PLD2: variants seen among roughly 807,000 people sequenced by gnomAD.
PLD2 encodes the protein choline phosphatase 2.
In PLD2, 101 loss-of-function variants were observed where a neutral mutation model predicts 119.8. That is an observed-to-expected ratio of 0.84 (90% confidence interval 0.72 to 0.99). The LOEUF (loss-of-function observed/expected upper bound fraction) is 0.99. PLD2 is among the 50% of genes least tolerant of loss of function. The probability of loss-of-function intolerance (pLI) is 0.00; values close to 1 mark genes in which losing one functional copy is unlikely to be tolerated. For missense variants in PLD2, 1,164 were observed against 1,226.8 expected, an observed-to-expected ratio of 0.95 and a Z score of 0.76; for synonymous variants, 494 against 482.8, an observed-to-expected ratio of 1.02 and a Z score of -0.30.
rs543122205 is a variant in PLD2 at position 4,816,845 on chromosome 17, A to G, written c.1583-92A>G. The G allele has an allele frequency of 5.0e-6, 8 of 1,585,782 alleles. No individual in the cohort carries two copies. The Admixed American group carries it at 1.3e-4, about 27-fold the overall frequency. The stretch of plus-strand genomic sequence containing the variant: ...GGATGAGAGGGGTCAACGGTGGTAC[A>G]GCCCTCCCTCTGGCAGGCTCTTTCT... On this transcript the variant is annotated intron_variant, in intron 15 of 24. Coordinates refer to ENST00000263088, the MANE Select transcript of PLD2 (RefSeq NM_002663.5).
chr17:4,808,976 G>C lies in PLD2; in HGVS notation c.384-124G>C, dbSNP rs1014749246. The stretch of plus-strand genomic sequence containing the variant: ...CCCCAAGTGCTGGGATTCCAGGCGT[G>C]AGCCACCACGCCTGGCCACCTCCAG... On this transcript the variant is annotated intron_variant, in intron 4 of 24. Transcript: ENST00000263088. The surrounding 1 kb of genome is among the most constrained non-coding windows in gnomAD (Gnocchi z 4.1). 2.7e-6 allele frequency: 2 copies of C among 730,556 alleles called. No individual in the cohort carries two copies. Among genetic ancestry groups the C allele is most frequent in the Non-Finnish European group, 2.4e-6 (1 of 421,942 alleles). The allele number at this position is 730,556 out of a possible 1,614,324, so 45.3% of individuals were successfully genotyped here. A position where few individuals can be genotyped will look rare whatever the true frequency, so the allele number is the denominator to read the frequency against.
At position 4,818,009 on chromosome 17, in the gene PLD2, G is replaced by C. The variant is rs752863403; in HGVS notation, c.1823G>C (p.Arg608Pro). The change falls in exon 18 of 25, where the codon CGA becomes CCA. Residue 608 changes from arginine (R) to proline (P), a missense_variant. Physicochemically the swap from Arg to Pro is moderately radical, Grantham distance 103. Transcript: ENST00000263088. ...GCATTCACCATTCCCTAGGTCTTGC[G>C]ATCAGTGGACCGCTGGTCAGCAGGG... ...GGQCTTVQVLRSVDRWSAGTL... is the reference protein window; with the variant it reads ...GGQCTTVQVLPSVDRWSAGTL... 12 of 1,610,958 alleles carry C rather than the reference G, an allele frequency of 7.4e-6. No individual in the cohort carries two copies. Among genetic ancestry groups the C allele is most frequent in the African/African-American group, 1.3e-5 (1 of 74,862 alleles).
chr17:4,816,373 ACT>A (rs1365668535), intron 14 of PLD2, among the ~76,000 whole-genome samples: 1 of 137,106 alleles, frequency 7.3e-6, no homozygotes, highest in Non-Finnish European at 1.6e-5. Flanking sequence ...ACAGAGCGAG[ACT>A]CTGTCTCAAA....
chr17:4,808,956 A>G lies in PLD2; in HGVS notation c.384-144A>G. The G allele has an allele frequency of 4.4e-6, 3 of 680,354 alleles. No individual in the cohort carries two copies. The highest frequency in any genetic ancestry group is 3.4e-5 in the South Asian group (2 of 58,366). The allele number at this position is 680,354 out of a possible 1,614,324, so 42.1% of individuals were successfully genotyped here. A position where few individuals can be genotyped will look rare whatever the true frequency, so the allele number is the denominator to read the frequency against. On this transcript the variant is annotated intron_variant, in intron 4 of 24. Transcript: ENST00000263088. This position sits in a 1 kb window ranked among gnomAD's most constrained non-coding sequence, Gnocchi z 4.1. ...TGATCCACCTGCTGCGGCCTCCCCA[A>G]GTGCTGGGATTCCAGGCGTGAGCCA...
At chr17:4,815,706 T>A in intron 13 of PLD2, 58 bp from the exon 14 acceptor site, 6 of 1,604,524 alleles carry the variant, frequency 3.7e-6, no homozygotes, top group Non-Finnish European at 4.3e-6. Context: ...TCCCTCCCAG[T>A]ACCTCCTGTT....
In PLD2 at chr17:4,814,400, G is replaced by C. The variant is rs1384595674; in HGVS notation, c.1011-18G>C. The C allele has an allele frequency of 6.2e-7, 1 of 1,602,080 alleles. No individual in the cohort carries two copies. The highest frequency in any genetic ancestry group is 1.3e-5 in the African/African-American group (1 of 74,710). On this transcript the variant is annotated intron_variant, in intron 10 of 24. Coordinates refer to ENST00000263088, the MANE Select transcript of PLD2 (RefSeq NM_002663.5). ...GGCTTCTGACTCCCCTGACCTCCTTGGCTTGGCCTCCCCCCAGGTTTGTGA... is the reference window on the plus strand; with the variant it reads ...GGCTTCTGACTCCCCTGACCTCCTTCGCTTGGCCTCCCCCCAGGTTTGTGA...
intron 20 of PLD2, 40 bp from the exon 21 acceptor site, chr17:4,818,734 C>T (rs1597335340): frequency 6.2e-7 from 1 of 1,612,974 alleles, no homozygotes. Context: ...CCCCTCCCCT[C>T]TGCCAGCCTC....
intron 10 of PLD2, among the ~76,000 whole-genome samples, chr17:4,813,022 G>A (rs1906631464): frequency 6.6e-6 from 1 of 151,932 alleles, no homozygotes; most frequent in South Asian, 2.1e-4. Flanking sequence ...GTTTGGTTTG[G>A]TTTTTGAGAT....
chr17:4,811,648 A>G (rs1320024352), intron 10 of PLD2, among the ~76,000 whole-genome samples: 1 of 152,188 alleles, frequency 6.6e-6, no homozygotes, highest in East Asian at 1.9e-4. Flanking sequence ...TTAGGGAAGT[A>G]GGTGATCAAA....
In PLD2 at chr17:4,810,071, G is replaced by A. The variant is rs1360230722; in HGVS notation, c.860+42G>A. The stretch of plus-strand genomic sequence containing the variant: ...GTGAGAGACACCAGCTGAGTGGTGA[G>A]CCCACCCACGGCCTTGCTGGGAGTT... On this transcript the variant is annotated intron_variant, in intron 9 of 24. Transcript: ENST00000263088. 1.9e-6 allele frequency: 3 copies of A among 1,599,640 alleles called. No individual in the cohort carries two copies. The Admixed American group carries it at 5.1e-5, about 27-fold the overall frequency.
rs371860251 is a variant in PLD2 at position 4,816,932 on chromosome 17, C to T, written c.1583-5C>T. 2 of 1,610,830 alleles carry T rather than the reference C, an allele frequency of 1.2e-6. No individual in the cohort carries two copies. The highest frequency in any genetic ancestry group is 1.1e-5 in the South Asian group (1 of 90,738). On this transcript the variant is annotated splice_region_variant and splice_polypyrimidine_tract_variant and intron_variant, in intron 15 of 24. Coordinates refer to ENST00000263088, the MANE Select transcript of PLD2 (RefSeq NM_002663.5). ...ATCTCCCCTGACTCTCCTGGGACCC[C>T]CCAGATTTCATTGACAGGGAGACGA...
chr17:4,818,467 G>T, intron 19 of PLD2, 27 bp from the exon 20 acceptor site: 1 of 1,599,626 alleles, frequency 6.3e-7, no homozygotes, highest in Non-Finnish European at 8.6e-7. Context: ...GGGACCAGTC[G>T]CACCTCTGAC....
intron 17 of PLD2, among the ~76,000 whole-genome samples, chr17:4,817,731 G>C (rs1907160335): frequency 6.6e-6 from 1 of 151,452 alleles, no homozygotes; most frequent in Non-Finnish European, 1.5e-5. Flanking sequence ...GGCCGAGGCA[G>C]GCGGATCACG....
At chr17:4,814,930 T>C (rs1906825450) in intron 12 of PLD2, among the ~76,000 whole-genome samples, 1 of 152,138 alleles carries the variant, frequency 6.6e-6, no homozygotes, top group East Asian at 1.9e-4. Context: ...TGGCAGAGAC[T>C]TCCCTCCCAG....
At position 4,821,835 on chromosome 17, in the gene PLD2, A is replaced by C; in HGVS notation, c.2505A>C (p.Arg835=). Residue 835 remains arginine (R), a synonymous_variant, in exon 24 of 25, where the codon CGA becomes CGC. Coordinates refer to ENST00000263088, the MANE Select transcript of PLD2 (RefSeq NM_002663.5). Reference sequence around the variant, plus strand: ...ATACCCGGCCAGACTTGGATCTCCGAGACCCCATCTGTGATGACTTCTTCC... The same window carrying C: ...ATACCCGGCCAGACTTGGATCTCCGCGACCCCATCTGTGATGACTTCTTCC... The part of the protein sequence containing the change: ...GANTRPDLDL[R]DPICDDFFQL... 1 of 1,614,076 alleles carries C rather than the reference A, an allele frequency of 6.2e-7. No homozygotes were observed. The highest frequency in any genetic ancestry group is 8.5e-7 in the Non-Finnish European group (1 of 1,179,994).
Position 4,819,608 on chromosome 17 carries a change from G to C in PLD2, c.2462+26G>C. 1 of 1,586,080 alleles carries C rather than the reference G, an allele frequency of 6.3e-7. No individual in the cohort carries two copies. On this transcript the variant is annotated intron_variant, in intron 23 of 24. Coordinates refer to ENST00000263088, the MANE Select transcript of PLD2 (RefSeq NM_002663.5). This position sits in a 1 kb window ranked among gnomAD's most constrained non-coding sequence, Gnocchi z 4.2. ...GTAGAGCTGGGGCGGGATGCCACAG[G>C]GTGGGAGGGAGATGGGGGCGTCTGC...
chr17:4,815,624 C>A (rs1220814169), intron 13 of PLD2, 38 bp downstream of exon 13: 1 of 1,578,644 alleles, frequency 6.3e-7, no homozygotes, highest in South Asian at 1.1e-5. Flanking sequence ...ACATGACAGC[C>A]CTTCTCCCCA....
Position 4,809,872 on chromosome 17 carries a change from T to C in PLD2, c.708-5T>C. On this transcript the variant is annotated splice_polypyrimidine_tract_variant and splice_region_variant and intron_variant, in intron 8 of 24. Transcript: ENST00000263088. ...AGAGGAACACACGGAGCCCTTCTGCTCTAGGTGGCTGGTGGTGAAGGACTC... is the reference window on the plus strand; with the variant it reads ...AGAGGAACACACGGAGCCCTTCTGCCCTAGGTGGCTGGTGGTGAAGGACTC... The C allele has an allele frequency of 6.2e-7, 1 of 1,614,118 alleles. No individual in the cohort carries two copies. The highest frequency in any genetic ancestry group is 8.5e-7 in the Non-Finnish European group (1 of 1,180,004).
intron 24 of PLD2, 79 bp downstream of exon 24, chr17:4,821,986 G>A: frequency 1.1e-6 from 1 of 877,698 alleles, no homozygotes; most frequent in Non-Finnish European, 1.9e-6. Flanking sequence ...ATGGAGAGAA[G>A]CGCCACCATA....
Sources: allele counts gnomAD v4.1 joint callset (sites outside exome capture counted in the v4.1 genomes callset), GRCh38; gene constraint gnomAD v4.1.1; non-coding constraint Gnocchi (gnomAD v3.1); transcripts MANE v1.5; gene names NCBI Gene and HGNC (gene_info 2026-07-23, HGNC 2026-07-21).